The following CACNA1C variants were observed in gnomAD, a reference collection of about 807,000 sequenced individuals.
The protein encoded by CACNA1C is voltage-dependent L-type calcium channel subunit alpha-1C.
In CACNA1C, 30 loss-of-function variants were observed where a neutral mutation model predicts 229.0. That is an observed-to-expected ratio of 0.13 (90% CI 0.10 to 0.18). The LOEUF is 0.18. Ranked by LOEUF, CACNA1C falls within the 10% of genes least tolerant of loss-of-function variation. The pLI is 1.00. For missense variants in CACNA1C, 1,658 were observed against 2,845.0 expected, an observed-to-expected ratio of 0.58 and a Z score of 9.49; for synonymous variants, 1,114 against 1,132.5, an observed-to-expected ratio of 0.98 and a Z score of 0.33.
chr12:2,037,822 C>T (rs542088487), intron 1 of CACNA1C, among the ~76,000 whole-genome samples: 1 of 152,162 alleles, frequency 6.6e-6, no homozygotes, highest in Non-Finnish European at 1.5e-5. Flanking sequence ...TCAGGCTCTA[C>T]CCAGATCTAC....
intron 5 of CACNA1C, among the ~76,000 whole-genome samples, chr12:2,477,299 A>G (rs2099634847): frequency 6.6e-6 from 1 of 152,214 alleles, no homozygotes; most frequent in South Asian, 2.1e-4. Context: ...ATGACTTTGG[A>G]AGATGAGGAC....
intron 4 of CACNA1C, 137 bp from the exon 5 acceptor site, chr12:2,457,430 G>A (rs996218733): frequency 7.4e-6 from 6 of 808,290 alleles, no homozygotes; most frequent in East Asian, 2.8e-5. Context: ...CAGACTCCAC[G>A]CACACCCACA....
chr12:2,460,758 G>T (rs1298565508), intron 5 of CACNA1C, among the ~76,000 whole-genome samples: 1 of 152,192 alleles, frequency 6.6e-6, no homozygotes, highest in Non-Finnish European at 1.5e-5. Context: ...TGCTGTTGTG[G>T]GTGCCTTGTA....
intron 3 of CACNA1C, among the ~76,000 whole-genome samples, chr12:2,401,631 A>C (rs758955035): frequency 1.3e-5 from 2 of 152,192 alleles, no homozygotes; most frequent in Non-Finnish European, 2.9e-5. Context: ...TCTTCCACTT[A>C]TAGCTTTGTT....
intron 9 of CACNA1C, among the ~76,000 whole-genome samples, chr12:2,524,083 G>T (rs1172212216): frequency 6.6e-6 from 1 of 152,138 alleles, no homozygotes; most frequent in Non-Finnish European, 1.5e-5. Context: ...TTCCATCGTC[G>T]GGTGCATGGC....
intron 39 of CACNA1C, among the ~76,000 whole-genome samples, chr12:2,675,553 T>C (rs1395678212): frequency 2.0e-5 from 3 of 152,194 alleles, no homozygotes; most frequent in Non-Finnish European, 4.4e-5. Flanking sequence ...CTAAAGAGCA[T>C]TGCCATCAGG....
At position 2,319,569 on chromosome 12, in the gene CACNA1C, T is replaced by A. The variant is rs755769826; in HGVS notation, c.478-129407T>A. On this transcript the variant is annotated intron_variant, in intron 3 of 46. Coordinates refer to ENST00000399655, the MANE Select transcript of CACNA1C (RefSeq NM_000719.7). The surrounding 1 kb of genome is among the most constrained non-coding windows in gnomAD (Gnocchi z 4.0). ...GTCTCCACTCAGGGGCATTGCCGGG[T>A]GAGCCTGAGATAAGGGTGTAGCTCT... 1.3e-5 allele frequency among the ~76,000 whole-genome samples: 2 copies of A among 152,120 alleles called. No homozygotes were observed. Among genetic ancestry groups the A allele is most frequent in the Non-Finnish European group, 2.9e-5 (2 of 68,014 alleles).
chr12:2,125,175 A>G (rs1031380555), intron 3 of CACNA1C, among the ~76,000 whole-genome samples: 2 of 152,120 alleles, frequency 1.3e-5, no homozygotes, highest in Non-Finnish European at 2.9e-5. Context: ...GGAGTCTTAG[A>G]AGCTAAGGGA....
chr12:2,458,869 C>T (rs1316649517), intron 5 of CACNA1C, among the ~76,000 whole-genome samples: 2 of 152,148 alleles, frequency 1.3e-5, no homozygotes, highest in East Asian at 3.9e-4. Flanking sequence ...AGAGCCAAGA[C>T]TAGAATCATG....
At chr12:2,177,636 CTTTCTT>C (rs2096708499) in intron 3 of CACNA1C, among the ~76,000 whole-genome samples, 1 of 128,820 alleles carries the variant, frequency 7.8e-6, no homozygotes, top group East Asian at 2.7e-4. Flanking sequence ...TTCTCTCTCT[CTTTCTT>C]TCTTTCTTTC....
chr12:2,619,367 C>CTG (rs2082189944), intron 29 of CACNA1C, among the ~76,000 whole-genome samples: 1 of 152,222 alleles, frequency 6.6e-6, no homozygotes, highest in Non-Finnish European at 1.5e-5. Flanking sequence ...CCCTCTAACT[C>CTG]AGCACCAAAG....
intron 1 of CACNA1C, among the ~76,000 whole-genome samples, chr12:2,081,943 TGCCAAG>T (rs2065804918): frequency 6.6e-6 from 1 of 152,186 alleles, no homozygotes; most frequent in Admixed American, 6.5e-5. Flanking sequence ...TCTTACTGTG[TGCCAAG>T]GTCTTTTATG....
At position 2,457,001 on chromosome 12, in the gene CACNA1C, G is replaced by A. The variant is rs779066125; in HGVS notation, c.618-566G>A. The stretch of plus-strand genomic sequence containing the variant: ...AGCCCTGTGTCTCAGTTACGTGCAC[G>A]TGTGGTTCTACCCCACTTGAGACCT... On this transcript the variant is annotated intron_variant, in intron 4 of 46. Coordinates refer to ENST00000399655, the MANE Select transcript of CACNA1C (RefSeq NM_000719.7). 4.6e-5 allele frequency among the ~76,000 whole-genome samples: 7 copies of A among 152,332 alleles called. No individual in the cohort carries two copies. In the East Asian group the frequency reaches 9.7e-4, roughly 21 times the overall value.
chr12:2,135,551 T>A (rs576762972), intron 3 of CACNA1C, among the ~76,000 whole-genome samples: 1 of 131,104 alleles, frequency 7.6e-6, no homozygotes, highest in Non-Finnish European at 1.5e-5. Flanking sequence ...TGCAGGTCTG[T>A]TGGAGTACCC....
At chr12:1,994,008 C>T (rs957880809) in intron 1 of CACNA1C, among the ~76,000 whole-genome samples, 1 of 152,084 alleles carries the variant, frequency 6.6e-6, no homozygotes, top group Non-Finnish European at 1.5e-5. Flanking sequence ...AACAGCTTCA[C>T]AGATAAACCA....
chr12:2,586,127 CA>C (rs1284513318), intron 18 of CACNA1C, among the ~76,000 whole-genome samples: 1 of 152,172 alleles, frequency 6.6e-6, no homozygotes. Context: ...CACATTTGAG[CA>C]GTGCTTTTGT....
At chr12:2,322,762 C>T (rs775353418) in intron 3 of CACNA1C, among the ~76,000 whole-genome samples, 1 of 152,168 alleles carries the variant, frequency 6.6e-6, no homozygotes. Context: ...TGCCTGGGCT[C>T]GAATTTCAGC....
intron 1 of CACNA1C, among the ~76,000 whole-genome samples, chr12:2,022,781 T>C (rs1471567446): frequency 1.3e-5 from 2 of 152,230 alleles, no homozygotes; most frequent in South Asian, 4.2e-4. Context: ...TACGGTAAAA[T>C]GGGTTTTGTT....
At position 2,034,025 on chromosome 12, in the gene CACNA1C, G is replaced by A. The variant is rs2048675974; in HGVS notation, c.139+62824G>A. Among the ~76,000 whole-genome samples, 1 of 152,168 alleles carries A rather than the reference G, an allele frequency of 6.6e-6. No homozygotes were observed. Among genetic ancestry groups the A allele is most frequent in the Non-Finnish European group, 1.5e-5 (1 of 68,030 alleles). On this transcript the variant is annotated intron_variant, in intron 1 of 46. Coordinates refer to the CACNA1C transcript ENST00000682462. This position sits in a 1 kb window ranked among gnomAD's most constrained non-coding sequence, Gnocchi z 4.1. ...GTAGAGAGGGGAGGAAGAGAATACA[G>A]TAACTGTATTGCAACATTTATTAAT...
Sources: allele counts gnomAD v4.1 joint callset (sites outside exome capture counted in the v4.1 genomes callset), GRCh38; gene constraint gnomAD v4.1.1; non-coding constraint Gnocchi (gnomAD v3.1); transcripts MANE v1.5; gene names NCBI Gene and HGNC (gene_info 2026-07-23, HGNC 2026-07-21).